Variants in FMNL2 observed in about 807,000 individuals in gnomAD.
The protein encoded by FMNL2 is formin like 2, also known as formin-like protein 2.
FMNL2 carries 51 observed loss-of-function variants against 130.2 expected under a neutral mutation model. The ratio of observed to expected loss-of-function variants is 0.39; its 90% confidence interval spans 0.31 to 0.49. The LOEUF (loss-of-function observed/expected upper bound fraction) is 0.49, where lower values mean the gene tolerates loss of function less well. Ranked by LOEUF, FMNL2 falls within the 20% of genes least tolerant of loss-of-function variation. The pLI, the probability that FMNL2 is intolerant of heterozygous loss-of-function variation, is 0.85. For synonymous variants in FMNL2, 465 were observed against 467.1 expected, an observed-to-expected ratio of 1.00 and a Z score of 0.06; for missense variants, 977 against 1,316.2, an observed-to-expected ratio of 0.74 and a Z score of 3.99.
chr2:152,634,208 G>A (rs1229052021), intron 21 of FMNL2, among the ~76,000 whole-genome samples: 4 of 152,138 alleles, frequency 2.6e-5, no homozygotes, highest in Admixed American at 6.6e-5. Flanking sequence ...TGAGGCGGGC[G>A]GATCACTTGA....
intron 13 of FMNL2, 37 bp from the exon 14 acceptor site, chr2:152,618,809 T>C (rs376337496): frequency 6.6e-7 from 1 of 1,521,946 alleles, no homozygotes; most frequent in South Asian, 1.3e-5. Context: ...ATGAATGTTA[T>C]GTGAAGATAA....
At chr2:152,619,962 TC>T (rs1449359465) in intron 15 of FMNL2, among the ~76,000 whole-genome samples, 1 of 151,544 alleles carries the variant, frequency 6.6e-6, no homozygotes, top group Non-Finnish European at 1.5e-5. Flanking sequence ...TACACCATCT[TC>T]CTGCCTTCCA....
intron 9 of FMNL2, among the ~76,000 whole-genome samples, chr2:152,583,982 C>G (rs971144371): frequency 2.0e-5 from 3 of 152,154 alleles, no homozygotes; most frequent in East Asian, 1.9e-4. Flanking sequence ...ATAGATAGGT[C>G]AGAAGAGCCT....
intron 1 of FMNL2, among the ~76,000 whole-genome samples, chr2:152,462,959 C>T (rs1361327759): frequency 2.6e-5 from 4 of 152,182 alleles, no homozygotes; most frequent in Non-Finnish European, 5.9e-5. Context: ...GAAAAAATCT[C>T]ATTAACAATT....
chr2:152,479,601 C>T (rs73016010), intron 1 of FMNL2, among the ~76,000 whole-genome samples: 6,550 of 151,694 alleles, frequency 0.043, 477 homozygotes, highest in African/African-American at 0.15. Flanking sequence ...GATGTTTTTA[C>T]ATTCTAAATT....
intron 1 of FMNL2, among the ~76,000 whole-genome samples, chr2:152,520,341 C>G (rs1302852494): frequency 1.3e-5 from 2 of 152,022 alleles, no homozygotes; most frequent in Non-Finnish European, 2.9e-5. Context: ...CGCCTGTAAT[C>G]CCCGCACTTT....
At chr2:152,548,235 A>G (rs1694751981) in intron 3 of FMNL2, among the ~76,000 whole-genome samples, 1 of 152,058 alleles carries the variant, frequency 6.6e-6, no homozygotes. Context: ...TAGGTCACGC[A>G]GAAAAAAAAT....
At chr2:152,628,030 A>G (rs1278136018) in intron 17 of FMNL2, among the ~76,000 whole-genome samples, 1 of 152,212 alleles carries the variant, frequency 6.6e-6, no homozygotes, top group Non-Finnish European at 1.5e-5. Context: ...GCTTAGAGCT[A>G]TGCCAGTACC....
intron 1 of FMNL2, among the ~76,000 whole-genome samples, chr2:152,393,149 C>G (rs77493281): frequency 0.022 from 3,360 of 152,202 alleles, 118 homozygotes; most frequent in African/African-American, 0.077. Flanking sequence ...TGAGTTGCCT[C>G]TATGTAGTAC....
chr2:152,506,797 T>G (rs1313213099), intron 1 of FMNL2, among the ~76,000 whole-genome samples: 1 of 152,068 alleles, frequency 6.6e-6, no homozygotes, highest in African/African-American at 2.4e-5. Flanking sequence ...TATGTTCTAC[T>G]AATTTAGTGG....
intron 10 of FMNL2, among the ~76,000 whole-genome samples, chr2:152,608,785 TGC>T (rs1474657109): frequency 6.6e-6 from 1 of 152,156 alleles, no homozygotes; most frequent in Non-Finnish European, 1.5e-5. Flanking sequence ...GAGTTGAGGT[TGC>T]AAACTGTAGG....
At chr2:152,402,449 T>C (rs527488599) in intron 1 of FMNL2, among the ~76,000 whole-genome samples, 1 of 152,178 alleles carries the variant, frequency 6.6e-6, no homozygotes, top group Non-Finnish European at 1.5e-5. Flanking sequence ...TGAATAAAAC[T>C]GATCTACCCT....
chr2:152,355,963 G>A (rs1386222774), intron 1 of FMNL2, among the ~76,000 whole-genome samples: 2 of 152,260 alleles, frequency 1.3e-5, no homozygotes, highest in African/African-American at 4.8e-5. Context: ...CGCTACAGAG[G>A]AAAATTACCC....
intron 2 of FMNL2, among the ~76,000 whole-genome samples, chr2:152,524,601 G>A (rs1300041516): frequency 6.6e-6 from 1 of 152,214 alleles, no homozygotes; most frequent in African/African-American, 2.4e-5. Context: ...AGCTAGAAAT[G>A]TCAGGTTTCT....
intron 4 of FMNL2, among the ~76,000 whole-genome samples, chr2:152,550,098 C>T (rs1694853631): frequency 6.6e-6 from 1 of 152,034 alleles, no homozygotes; most frequent in Admixed American, 6.6e-5. Context: ...TGTTATAAAA[C>T]CTTTTCCCCC....
chr2:152,423,509 G>A (rs1159664631), intron 1 of FMNL2, among the ~76,000 whole-genome samples: 2 of 152,172 alleles, frequency 1.3e-5, no homozygotes, highest in South Asian at 2.1e-4. Flanking sequence ...ATCAGGAAGA[G>A]TAAAAGCCAG....
intron 1 of FMNL2, among the ~76,000 whole-genome samples, chr2:152,476,909 G>A (rs1486497218): frequency 1.3e-5 from 2 of 152,126 alleles, no homozygotes; most frequent in Admixed American, 1.3e-4. Context: ...GTTCTAAGCT[G>A]TGAGGTTGAG....
At chr2:152,608,662 G>A (rs1698520778) in intron 10 of FMNL2, among the ~76,000 whole-genome samples, 1 of 151,704 alleles carries the variant, frequency 6.6e-6, no homozygotes. Context: ...ATTTTTTAAA[G>A]AAGTTAAGGC....
chr2:152,632,254 TCAGA>T, intron 21 of FMNL2, 117 bp downstream of exon 21: 1 of 1,350,322 alleles, frequency 7.4e-7, no homozygotes, highest in South Asian at 1.4e-5. Context: ...GGCTAAGAAG[TCAGA>T]CACACTGAGC....
Sources: gnomAD v4.1 joint callset for allele counts (sites outside exome capture counted in the v4.1 genomes callset) on GRCh38, gnomAD v4.1.1 for gene constraint, MANE v1.5 for transcripts, NCBI Gene and HGNC (gene_info 2026-07-23, HGNC 2026-07-21) for gene names.